Variants in KIF21B observed in about 807,000 individuals in gnomAD.
The protein encoded by KIF21B is kinesin-like protein KIF21B.
KIF21B carries 85 observed loss-of-function variants against 192.9 expected under a neutral mutation model. The observed-to-expected ratio is 0.44, with a 90% CI of 0.37 to 0.53. The LOEUF is 0.53. Among genes scored for constraint, KIF21B ranks in the 20% least tolerant of loss-of-function variants. The pLI is 0.00. For missense variants in KIF21B, 1,716 were observed against 2,194.8 expected (o/e 0.78, Z 4.36); for synonymous variants, 832 against 884.6 (o/e 0.94, Z 1.05).
rs201821395 is a variant in KIF21B, at chr1:201,005,419, C to T, written c.621G>A (p.Gly207=). Reference sequence around the variant, plus strand: ...TGCTGGCTGTGGTGCGGGACAGGGCCCCCTGCTTCAGGCACTGGATCAGCT... The same window carrying T: ...TGCTGGCTGTGGTGCGGGACAGGGCTCCCTGCTTCAGGCACTGGATCAGCT... ...QEELIQCLKQ[G]ALSRTTASTQ... The change falls in exon 5 of 35, where the codon GGG becomes GGA. Residue 207 remains glycine, a synonymous_variant. Coordinates refer to ENST00000461742, the MANE Select transcript of KIF21B (RefSeq NM_001252102.2). The T allele has an allele frequency of 1.4e-5, 23 of 1,610,594 alleles. No individual in the cohort carries two copies. The highest frequency in any genetic ancestry group is 1.9e-5 in the Non-Finnish European group (22 of 1,178,104).
Position 200,998,539 on chromosome 1 carries a change from C to A in KIF21B, c.1922G>T (p.Cys641Phe), listed in dbSNP as rs762009457. ...CAGCTTCTGCTTGATTTCGATCTCA[C>A]AAGTCAGGTCGGCCAGGTCCGCCTG... is the stretch of plus-strand genomic sequence containing the variant. ...NFQADLADLT[C>F]EIEIKQKLID... The change falls in exon 14 of 35, where the codon TGT becomes TTT. Residue 641 changes from cysteine to phenylalanine, a missense_variant. Physicochemically the swap from Cys to Phe is radical, Grantham distance 205. Coordinates refer to ENST00000461742, the MANE Select transcript of KIF21B (RefSeq NM_001252102.2). The surrounding 1 kb of genome is among the most constrained non-coding windows in gnomAD (Gnocchi z 4.3). The A allele has an allele frequency of 2.5e-6, 4 of 1,613,884 alleles. No homozygotes were observed. The highest frequency in any genetic ancestry group is 3.4e-6 in the Non-Finnish European group (4 of 1,180,018).
chr1:200,996,437 G>C (rs997163205), intron 14 of KIF21B, 42 bp from the exon 15 acceptor site: 1 of 1,569,738 alleles, frequency 6.4e-7, no homozygotes, highest in African/African-American at 1.4e-5. Context: ...GGGTCCCTAA[G>C]GGCTCCCACT....
intron 1 of KIF21B, among the ~76,000 whole-genome samples, chr1:201,021,306 G>A (rs138248790): frequency 3.4e-4 from 52 of 152,362 alleles, no homozygotes; most frequent in Middle Eastern, 6.8e-3. Context: ...GAGGTCTGGC[G>A]TGTGCCGGGG....
intron 26 of KIF21B, 49 bp from the exon 27 acceptor site, chr1:200,985,021 C>T (rs1656195295): frequency 1.5e-6 from 2 of 1,360,928 alleles, no homozygotes; most frequent in Non-Finnish European, 2.0e-6. Flanking sequence ...CCCCTGCCCA[C>T]AGGCCCCTAC....
Position 201,000,835 on chromosome 1 carries a change from C to T in KIF21B, c.1403-55G>A, listed in dbSNP as rs1571949216. The T allele has an allele frequency of 2.5e-6, 4 of 1,590,770 alleles. No homozygotes were observed. In the East Asian group the frequency reaches 6.7e-5, roughly 27 times the overall value. ...GATAAAGAAGATAAATAGGCCAGCG[C>T]GGTGGCTCAGACCTATAATTCCAGC... is the stretch of plus-strand genomic sequence containing the variant. On this transcript the variant is annotated intron_variant, in intron 9 of 34. Coordinates refer to ENST00000461742, the MANE Select transcript of KIF21B (RefSeq NM_001252102.2). This position sits in a 1 kb window ranked among gnomAD's most constrained non-coding sequence, Gnocchi z 6.0.
In KIF21B at chr1:200,988,697, G is replaced by A. The variant is rs1472630492; in HGVS notation, c.3298+69C>T. 22 of 1,551,090 alleles carry A rather than the reference G, an allele frequency of 1.4e-5. 1 individual carries two copies. The highest frequency in any genetic ancestry group is 1.8e-5 in the Admixed American group (1 of 54,812). On this transcript the variant is annotated intron_variant, in intron 22 of 34. Transcript: ENST00000461742. ...GTGGTTCTGGGGAAGTGAGGGCCTT[G>A]TGGGGGTCTGAGCCCAAGAGCACTG...
intron 29 of KIF21B, among the ~76,000 whole-genome samples, chr1:200,980,390 G>A (rs1655836863): frequency 2.0e-5 from 3 of 152,146 alleles, no homozygotes; most frequent in Admixed American, 2.0e-4. Context: ...GAGTAGCTGG[G>A]GCTACAGGCA....
At position 200,998,679 on chromosome 1, in the gene KIF21B, G is replaced by T; in HGVS notation, c.1886-104C>A. 1 of 997,872 alleles carries T rather than the reference G, an allele frequency of 1.0e-6. No individual in the cohort carries two copies. Among genetic ancestry groups the T allele is most frequent in the South Asian group, 1.5e-5 (1 of 67,554 alleles). 61.8% of individuals were successfully genotyped at this position (997,872 alleles called of 1,614,324 possible). On this transcript the variant is annotated intron_variant, in intron 13 of 34. Coordinates refer to ENST00000461742, the MANE Select transcript of KIF21B (RefSeq NM_001252102.2). The surrounding 1 kb of genome is among the most constrained non-coding windows in gnomAD (Gnocchi z 4.3). Reference sequence around the variant, plus strand: ...CTGGGACCCTCCTTTGGTCAGCCATGACCAATCAGTGACCAGAGACTGGGC... The same window carrying T: ...CTGGGACCCTCCTTTGGTCAGCCATTACCAATCAGTGACCAGAGACTGGGC...
chr1:200,978,000 C>G (rs1004122728), intron 30 of KIF21B, among the ~76,000 whole-genome samples: 2 of 151,824 alleles, frequency 1.3e-5, no homozygotes, highest in Non-Finnish European at 2.9e-5. Flanking sequence ...TCCCAAAGTG[C>G]TGGGATTACA....
At position 200,990,613 on chromosome 1, in the gene KIF21B, A is replaced by G. The variant is rs1273238832; in HGVS notation, c.2798T>C (p.Ile933Thr). 1.9e-6 allele frequency: 3 copies of G among 1,614,008 alleles called. No individual in the cohort carries two copies. ...CTCCATGTCAGCCTCCAGGTTGACA[A>G]TGGTCATTCTCTGCATGACGATGTC... is the stretch of plus-strand genomic sequence containing the variant. Reference protein sequence around the residue: ...IIDIVMQRMTIVNLEADMERL... With the variant: ...IIDIVMQRMTTVNLEADMERL... Residue 933 changes from isoleucine (I) to threonine (T), a missense_variant, in exon 19 of 35, where the codon ATT becomes ACT. Coordinates refer to ENST00000461742, the MANE Select transcript of KIF21B (RefSeq NM_001252102.2). This position sits in a 1 kb window ranked among gnomAD's most constrained non-coding sequence, Gnocchi z 5.4.
intron 3 of KIF21B, among the ~76,000 whole-genome samples, chr1:201,008,397 G>A (rs1164278410): frequency 1.3e-5 from 2 of 152,178 alleles, no homozygotes; most frequent in African/African-American, 4.8e-5. Context: ...CCAGAAGGAA[G>A]GGAGAGAGCC....
intron 3 of KIF21B, among the ~76,000 whole-genome samples, chr1:201,006,626 T>C (rs373324571): frequency 6.6e-6 from 1 of 152,268 alleles, no homozygotes; most frequent in East Asian, 1.9e-4. Context: ...AGACACACAC[T>C]ATCATTTGAC....
chr1:200,986,003 G>A (rs796417002), intron 26 of KIF21B, among the ~76,000 whole-genome samples: 12 of 150,954 alleles, frequency 7.9e-5, no homozygotes, highest in African/African-American at 2.4e-4. Context: ...ACACCACCAC[G>A]CCCAGCCAAT....
intron 24 of KIF21B, 73 bp from the exon 25 acceptor site, chr1:200,987,274 C>CTATTT (rs1656370277): frequency 7.5e-7 from 1 of 1,330,394 alleles, no homozygotes; most frequent in Non-Finnish European, 1.0e-6. Context: ...AGGGGAAATT[C>CTATTT]TATTTTTTTT....
At chr1:200,997,323 G>C (rs1332912505) in intron 14 of KIF21B, among the ~76,000 whole-genome samples, 1 of 151,530 alleles carries the variant, frequency 6.6e-6, no homozygotes, top group Non-Finnish European at 1.5e-5. Context: ...CAGGCACATG[G>C]CACCCTTATG....
Position 201,005,674 on chromosome 1 carries a change from A to G in KIF21B, c.468T>C (p.Leu156=). 1 of 1,614,120 alleles carries G rather than the reference A, an allele frequency of 6.2e-7. No individual in the cohort carries two copies. The highest frequency in any genetic ancestry group is 8.5e-7 in the Non-Finnish European group (1 of 1,180,020). ...QFLELYNEEI[L]DLFDSTRDPD... ...GGTCACGGGTGCTGTCAAACAGGTC[A>G]AGGATCTCCTCGTTGTAGAGCTGTG... Residue 156 remains leucine (L), a synonymous_variant, in exon 4 of 35, where the codon CTT becomes CTC. Coordinates refer to ENST00000461742, the MANE Select transcript of KIF21B (RefSeq NM_001252102.2).
In KIF21B at chr1:201,000,964, G is replaced by A. The variant is rs1657459162; in HGVS notation, c.1403-184C>T. Reference sequence around the variant, plus strand: ...CTCTACTAAAAATACAAAATTAGCCGGGCGTGGTGGCGCATGCCTCTAATC... The same window carrying A: ...CTCTACTAAAAATACAAAATTAGCCAGGCGTGGTGGCGCATGCCTCTAATC... On this transcript the variant is annotated intron_variant, in intron 9 of 34. Coordinates refer to ENST00000461742, the MANE Select transcript of KIF21B (RefSeq NM_001252102.2). The surrounding 1 kb of genome is among the most constrained non-coding windows in gnomAD (Gnocchi z 6.0). 6.6e-6 allele frequency among the ~76,000 whole-genome samples: 1 copy of A among 152,030 alleles called. No homozygotes were observed. Among genetic ancestry groups the A allele is most frequent in the African/African-American group, 2.4e-5 (1 of 41,384 alleles).
chr1:200,993,076 G>A lies in KIF21B; in HGVS notation c.2278-687C>T, dbSNP rs184859799. Among the ~76,000 whole-genome samples the A allele has an allele frequency of 3.3e-5, 5 of 152,364 alleles. No individual in the cohort carries two copies. In the East Asian group the frequency reaches 9.6e-4, roughly 29 times the overall value. On this transcript the variant is annotated intron_variant, in intron 15 of 34. Transcript: ENST00000461742. The stretch of plus-strand genomic sequence containing the variant: ...GATGGCTCCGTGGTAGGTCAGCAAA[G>A]CTAAGGACCAAGCACAGAGAACCTG...
At chr1:200,976,523 T>G (rs1213025114) in intron 32 of KIF21B, among the ~76,000 whole-genome samples, 1 of 152,256 alleles carries the variant, frequency 6.6e-6, no homozygotes, top group Non-Finnish European at 1.5e-5. Flanking sequence ...GCATCCCATT[T>G]AGTGGATTTT....
Sources: allele counts gnomAD v4.1 joint callset (sites outside exome capture counted in the v4.1 genomes callset), GRCh38; gene constraint gnomAD v4.1.1; non-coding constraint Gnocchi (gnomAD v3.1); transcripts MANE v1.5; gene names NCBI Gene and HGNC (gene_info 2026-07-23, HGNC 2026-07-21).